PTGFRN: variants seen among roughly 807,000 people sequenced by gnomAD.
PTGFRN encodes prostaglandin F2 receptor inhibitor, also known as prostaglandin F2 receptor negative regulator.
PTGFRN carries 35 observed loss-of-function variants against 83.2 expected under a neutral mutation model. That is an observed-to-expected ratio of 0.42 (90% CI 0.32 to 0.56). PTGFRN has a LOEUF of 0.56. Among genes scored for constraint, PTGFRN ranks in the 20% least tolerant of loss-of-function variants. The pLI, the probability that PTGFRN is intolerant of heterozygous loss-of-function variation, is 0.11. For missense variants in PTGFRN, 1,051 were observed against 1,179.5 expected (o/e 0.89, Z 1.60); for synonymous variants, 519 against 498.6 (o/e 1.04, Z -0.55).
chr1:116,914,645 T>A (rs1026581129), intron 1 of PTGFRN, among the ~76,000 whole-genome samples: 1 of 151,974 alleles, frequency 6.6e-6, no homozygotes, highest in Non-Finnish European at 1.5e-5. Flanking sequence ...TTCCAGCTAC[T>A]TGGGAGGCTG....
At chr1:116,962,623 C>T (rs1216362848) in intron 5 of PTGFRN, among the ~76,000 whole-genome samples, 1 of 152,210 alleles carries the variant, frequency 6.6e-6, no homozygotes, top group Non-Finnish European at 1.5e-5. Context: ...TGTCCTCTAT[C>T]CTATTTGGTC....
intron 4 of PTGFRN, among the ~76,000 whole-genome samples, chr1:116,957,146 G>T (rs1650524181): frequency 6.9e-6 from 1 of 145,420 alleles, no homozygotes; most frequent in South Asian, 2.2e-4. Flanking sequence ...TCTCTCGCTG[G>T]CTCGCTGTGT....
chr1:116,975,550 A>G (rs1651121766), intron 7 of PTGFRN, among the ~76,000 whole-genome samples: 1 of 152,206 alleles, frequency 6.6e-6, no homozygotes, highest in Non-Finnish European at 1.5e-5. Flanking sequence ...ATCAGCAGAA[A>G]CATTTGCTGT....
intron 4 of PTGFRN, among the ~76,000 whole-genome samples, chr1:116,957,175 G>C (rs1053070651): frequency 1.1e-4 from 16 of 150,288 alleles, no homozygotes; most frequent in African/African-American, 3.9e-4. Context: ...GTGTGTGTGT[G>C]TTTGTGTTTG....
At chr1:116,949,837 A>G (rs1310053580) in intron 4 of PTGFRN, among the ~76,000 whole-genome samples, 1 of 152,192 alleles carries the variant, frequency 6.6e-6, no homozygotes, top group African/African-American at 2.4e-5. Flanking sequence ...CGACATTTGC[A>G]GGGTCAGGGC....
rs1344571013 is a variant in PTGFRN at position 116,966,987 on chromosome 1, A to G, written c.1716A>G (p.Lys572=). The G allele has an allele frequency of 1.9e-6, 3 of 1,613,994 alleles. No individual in the cohort carries two copies. The highest frequency in any genetic ancestry group is 2.5e-6 in the Non-Finnish European group (3 of 1,179,916). Residue 572 remains lysine, a synonymous_variant, in exon 6 of 9, where the codon AAA becomes AAG. Transcript: ENST00000393203. The stretch of plus-strand genomic sequence containing the variant: ...GAAATACATTTGAGATGACTTGCAA[A>G]GTATCTTCCAAGAATATTAAGTCGC... ...AAGNTFEMTC[K]VSSKNIKSPR...
At chr1:116,982,291 C>CA in intron 7 of PTGFRN, among the ~76,000 whole-genome samples, 1 of 152,266 alleles carries the variant, frequency 6.6e-6, no homozygotes, top group Admixed American at 6.5e-5. Flanking sequence ...TAATTAATTG[C>CA]AAAAGCTATA....
At chr1:116,981,057 A>G (rs1011807485) in intron 7 of PTGFRN, among the ~76,000 whole-genome samples, 2 of 152,206 alleles carry the variant, frequency 1.3e-5, no homozygotes, top group East Asian at 1.9e-4. Flanking sequence ...TTGCATTTAC[A>G]TATTAGCATT....
intron 7 of PTGFRN, among the ~76,000 whole-genome samples, chr1:116,981,728 G>T (rs1247766418): frequency 2.0e-5 from 3 of 152,260 alleles, no homozygotes; most frequent in Non-Finnish European, 4.4e-5. Context: ...CACTGCCATT[G>T]TAGTGTGAAA....
At chr1:116,951,866 A>G in intron 4 of PTGFRN, among the ~76,000 whole-genome samples, 1 of 152,202 alleles carries the variant, frequency 6.6e-6, no homozygotes, top group Non-Finnish European at 1.5e-5. Context: ...TGTAATGTGC[A>G]TGTATATGCG....
intron 1 of PTGFRN, among the ~76,000 whole-genome samples, chr1:116,928,726 G>A (rs1303206535): frequency 6.6e-6 from 1 of 152,076 alleles, no homozygotes; most frequent in Non-Finnish European, 1.5e-5. Context: ...TTTAGCATCT[G>A]AACTCCTTTC....
rs188624873 is a variant in PTGFRN, at chr1:116,911,502, C to T, written c.49+1250C>T. On this transcript the variant is annotated intron_variant, in intron 1 of 8. Coordinates refer to ENST00000393203, the MANE Select transcript of PTGFRN (RefSeq NM_020440.4). ...CCTTGCTGGCTGCTGTGTTTTCTTC[C>T]TTCACCTTGAAGGGATTTTCTGAAC... is the stretch of plus-strand genomic sequence containing the variant. Among the ~76,000 whole-genome samples, 21 of 152,348 alleles carry T rather than the reference C, an allele frequency of 1.4e-4. No homozygotes were observed. The East Asian group carries it at 3.9e-3, about 28-fold the overall frequency.
chr1:116,957,921 G>T (rs548972086), intron 4 of PTGFRN, among the ~76,000 whole-genome samples: 36 of 151,968 alleles, frequency 2.4e-4, no homozygotes, highest in African/African-American at 7.0e-4. Context: ...AGGTTCATCT[G>T]TGTTGTCGCA....
At chr1:116,947,023 T>C (rs1389975905) in intron 3 of PTGFRN, among the ~76,000 whole-genome samples, 1 of 152,186 alleles carries the variant, frequency 6.6e-6, no homozygotes, top group Non-Finnish European at 1.5e-5. Flanking sequence ...TGGGAGGAGA[T>C]GCTATATTTC....
intron 1 of PTGFRN, among the ~76,000 whole-genome samples, chr1:116,917,530 C>T (rs1309718836): frequency 2.0e-5 from 3 of 152,146 alleles, no homozygotes; most frequent in Non-Finnish European, 4.4e-5. Context: ...TTTGATATGG[C>T]ATGCAGTCTC....
rs201270839 is a variant in PTGFRN, at chr1:116,949,349, G to T, written c.990G>T (p.Val330=). ...MPDSTLPGSR[V]LARLDRDSLV... ...ACAGCACCCTACCTGGCTCCCGCGTGTTGGCGCGGCTTGACCGTGATTCCC... is the reference window on the plus strand; with the variant it reads ...ACAGCACCCTACCTGGCTCCCGCGTTTTGGCGCGGCTTGACCGTGATTCCC... The change falls in exon 4 of 9, where the codon GTG becomes GTT. Residue 330 remains valine, a synonymous_variant. Coordinates refer to ENST00000393203, the MANE Select transcript of PTGFRN (RefSeq NM_020440.4). The T allele has an allele frequency of 5.5e-5, 88 of 1,614,162 alleles. No individual in the cohort carries two copies. In the Middle Eastern group the frequency reaches 2.0e-3, roughly 36 times the overall value.
chr1:116,970,472 T>C lies in PTGFRN; in HGVS notation c.2059+3142T>C, dbSNP rs182576714. On this transcript the variant is annotated intron_variant, in intron 6 of 8. Transcript: ENST00000393203. ...AATCTGTTCCATCTTGTTTTACATT[T>C]GTTATTTGATCTTTCTTTTAAACTC... Among the ~76,000 whole-genome samples the C allele has an allele frequency of 2.0e-3, 305 of 152,348 alleles. 3 individuals carry two copies. The highest frequency in any genetic ancestry group is 6.9e-3 in the African/African-American group (286 of 41,564).
intron 1 of PTGFRN, among the ~76,000 whole-genome samples, chr1:116,936,136 A>T (rs567432731): frequency 4.6e-5 from 7 of 152,322 alleles, no homozygotes; most frequent in African/African-American, 1.7e-4. Flanking sequence ...GTTTTGACAA[A>T]AATTGGCAAC....
intron 5 of PTGFRN, among the ~76,000 whole-genome samples, chr1:116,963,200 C>T (rs1650721883): frequency 6.6e-6 from 1 of 152,234 alleles, no homozygotes; most frequent in Non-Finnish European, 1.5e-5. Flanking sequence ...TCACTTGTGA[C>T]AAGTGGGCTC....
Sources: allele counts gnomAD v4.1 joint callset (sites outside exome capture counted in the v4.1 genomes callset), GRCh38; gene constraint gnomAD v4.1.1; transcripts MANE v1.5; gene names NCBI Gene and HGNC (gene_info 2026-07-23, HGNC 2026-07-21).